The following RBFOX2 variants were observed in gnomAD, a reference collection of about 807,000 sequenced individuals.
RBFOX2 encodes RNA binding fox-1 homolog 2.
Under a neutral mutation model 49.1 loss-of-function variants are expected in RBFOX2, and 10 were observed. The ratio of observed to expected loss-of-function variants is 0.20; its 90% CI spans 0.13 to 0.35. The LOEUF (loss-of-function observed/expected upper bound fraction) is 0.35, where lower values mean the gene tolerates loss of function less well. RBFOX2 is among the 10% of genes least tolerant of loss of function. The probability of loss-of-function intolerance (pLI) is 1.00; values close to 1 mark genes in which losing one functional copy is unlikely to be tolerated. For synonymous variants in RBFOX2, 183 were observed against 187.4 expected (o/e 0.98, Z 0.19); for missense variants, 323 against 486.9 (o/e 0.66, Z 3.17).
At chr22:35,804,926 G>A (rs148478971) in intron 2 of RBFOX2, among the ~76,000 whole-genome samples, 204 of 152,120 alleles carry the variant, frequency 1.3e-3, no homozygotes, top group Middle Eastern at 6.8e-3. Flanking sequence ...ATCTGATAAC[G>A]GACTGTTATC....
chr22:35,985,918 A>G (rs557311096), intron 1 of RBFOX2, among the ~76,000 whole-genome samples: 93 of 131,082 alleles, frequency 7.1e-4, no homozygotes, highest in Non-Finnish European at 1.1e-3. Context: ...ATAGATAGAT[A>G]GATAGATAGA....
chr22:35,998,058 T>A (rs1240042486), intron 1 of RBFOX2: 2 of 152,150 alleles, frequency 1.3e-5, no homozygotes, highest in East Asian at 3.9e-4. Context: ...GAAAAAGTTT[T>A]TCAGTTGCCT....
At chr22:35,986,413 C>G (rs551817117) in intron 1 of RBFOX2, among the ~76,000 whole-genome samples, 2 of 152,242 alleles carry the variant, frequency 1.3e-5, no homozygotes, top group Admixed American at 6.5e-5. Context: ...AAAGGCAACA[C>G]AAGCTCACTG....
At chr22:35,980,884 T>G (rs1169608904) in intron 1 of RBFOX2, among the ~76,000 whole-genome samples, 1 of 152,160 alleles carries the variant, frequency 6.6e-6, no homozygotes, top group Non-Finnish European at 1.5e-5. Context: ...TTGGCTGAGA[T>G]CTAAGGAGCA....
chr22:35,849,477 C>T (rs560128934), intron 1 of RBFOX2, among the ~76,000 whole-genome samples: 2 of 152,064 alleles, frequency 1.3e-5, no homozygotes, highest in African/African-American at 2.4e-5. Flanking sequence ...TGAATGGTAC[C>T]GGGTCAAAAG....
intron 4 of RBFOX2, among the ~76,000 whole-genome samples, chr22:35,769,502 A>T (rs1942045782): frequency 6.6e-6 from 1 of 152,162 alleles, no homozygotes; most frequent in Non-Finnish European, 1.5e-5. Flanking sequence ...ACTTCATTCT[A>T]GGTGCTCTGT....
At chr22:35,851,986 C>T (rs1257984218) in intron 1 of RBFOX2, among the ~76,000 whole-genome samples, 3 of 152,040 alleles carry the variant, frequency 2.0e-5, no homozygotes, top group Admixed American at 6.6e-5. Flanking sequence ...TTATAATATA[C>T]AGTCAGCCCT....
At chr22:35,756,127 C>T in intron 9 of RBFOX2, 1 of 1,503,116 alleles carries the variant, frequency 6.7e-7, no homozygotes, top group Non-Finnish European at 8.9e-7. Flanking sequence ...ACCGTAAAAT[C>T]CGTCCTGGTA....
chr22:35,761,309 A>G lies in RBFOX2; in HGVS notation c.662-15T>C. ...AAAGCTGGATGCTGATTGGATTTTT[A>G]AAAAATTTAAAAATGCAAGAAGATT... On this transcript the variant is annotated splice_polypyrimidine_tract_variant and intron_variant, in intron 7 of 11. Coordinates refer to ENST00000405409, the Ensembl canonical transcript of RBFOX2. 6.2e-7 allele frequency: 1 copy of G among 1,614,034 alleles called. No homozygotes were observed. The highest frequency in any genetic ancestry group is 1.3e-5 in the African/African-American group (1 of 75,050).
At chr22:35,934,511 T>G (rs1438634610) in intron 1 of RBFOX2, among the ~76,000 whole-genome samples, 2 of 152,140 alleles carry the variant, frequency 1.3e-5, no homozygotes, top group East Asian at 3.9e-4. Context: ...TCACTTTTTA[T>G]TCTCAAAAGT....
At chr22:35,919,109 G>T (rs1000736483) in intron 1 of RBFOX2, among the ~76,000 whole-genome samples, 3 of 152,216 alleles carry the variant, frequency 2.0e-5, no homozygotes, top group African/African-American at 7.2e-5. Context: ...CTAAGTGAAA[G>T]AAGCCAGACA....
intron 1 of RBFOX2, among the ~76,000 whole-genome samples, chr22:35,945,607 ATTTTG>A (rs1252696148): frequency 1.3e-5 from 2 of 152,064 alleles, no homozygotes; most frequent in East Asian, 1.9e-4. Context: ...CACCCGGCTA[ATTTTG>A]TTTTATCTTT....
At chr22:35,984,129 G>C (rs1379205687) in intron 1 of RBFOX2, among the ~76,000 whole-genome samples, 2 of 152,004 alleles carry the variant, frequency 1.3e-5, no homozygotes, top group African/African-American at 4.8e-5. Context: ...TCCTTCCCTT[G>C]TTTGTGTCCC....
intron 1 of RBFOX2, among the ~76,000 whole-genome samples, chr22:35,879,444 T>C (rs2045585626): frequency 6.6e-6 from 1 of 152,216 alleles, no homozygotes; most frequent in Admixed American, 6.5e-5. Context: ...TATATGCAAA[T>C]GCCACACTAT....
At chr22:35,849,330 C>CAG (rs1046939550) in intron 1 of RBFOX2, among the ~76,000 whole-genome samples, 21 of 150,084 alleles carry the variant, frequency 1.4e-4, no homozygotes, top group Non-Finnish European at 2.5e-4. Context: ...CACACACACA[C>CAG]ACAGACACAC....
intron 9 of RBFOX2, chr22:35,752,569 A>T: frequency 9.5e-6 from 9 of 944,152 alleles, no homozygotes; most frequent in Non-Finnish European, 1.1e-5. Flanking sequence ...TTTTCACTGC[A>T]ATCCACAATC....
At chr22:35,899,178 A>ATAACATAACATAACATAACAT (rs1556357853) in intron 1 of RBFOX2, among the ~76,000 whole-genome samples, 1 of 133,502 alleles carries the variant, frequency 7.5e-6, no homozygotes, top group East Asian at 2.1e-4. Context: ...ATAACATAAC[A>ATAACATAACATAACATAACAT]AACATAAAAA....
chr22:35,841,006 A>C (rs1958672056), upstream of RBFOX2, among the ~76,000 whole-genome samples: 2 of 152,168 alleles, frequency 1.3e-5, no homozygotes, highest in African/African-American at 4.8e-5. Flanking sequence ...GTGAGAGCAA[A>C]GGACTAAAAG....
chr22:35,889,161 G>A (rs1394078821), intron 1 of RBFOX2, among the ~76,000 whole-genome samples: 1 of 151,914 alleles, frequency 6.6e-6, no homozygotes, highest in Non-Finnish European at 1.5e-5. Context: ...TCTCAAAAAG[G>A]AAAAGAAAAG....
Sources: allele counts gnomAD v4.1 joint callset (sites outside exome capture counted in the v4.1 genomes callset), GRCh38; gene constraint gnomAD v4.1.1; transcripts MANE v1.5; gene names NCBI Gene and HGNC (gene_info 2026-07-23, HGNC 2026-07-21).